SPTB: variants seen among roughly 807,000 people sequenced by gnomAD.
SPTB encodes spectrin beta chain, erythrocytic.
In SPTB, 45 loss-of-function variants were observed where a neutral mutation model predicts 256.2. That is an observed-to-expected ratio of 0.18 (90% CI 0.14 to 0.23). The LOEUF is 0.23. SPTB is among the 10% of genes least tolerant of loss of function. The pLI is 1.00. For synonymous variants in SPTB, 1,231 were observed against 1,243.1 expected, an observed-to-expected ratio of 0.99 and a Z score of 0.21; for missense variants, 2,715 against 3,040.4, an observed-to-expected ratio of 0.89 and a Z score of 2.52.
Position 64,791,438 on chromosome 14 carries a change from C to T in SPTB, c.2804+281G>A, listed in dbSNP as rs919965355. Among the ~76,000 whole-genome samples the T allele has an allele frequency of 9.9e-5, 15 of 152,032 alleles. No homozygotes were observed. In the East Asian group the frequency reaches 1.4e-3, roughly 14 times the overall value. ...AAAACTAGCCAGGCATTGTATCGCA[C>T]GCCTGTAATCCCAGCTACTTGGGAG... On this transcript the variant is annotated intron_variant, in intron 15 of 35. Coordinates refer to ENST00000644917, the MANE Select transcript of SPTB (RefSeq NM_001355436.2).
At chr14:64,808,612 T>C (rs2083029975) in intron 2 of SPTB, among the ~76,000 whole-genome samples, 1 of 152,168 alleles carries the variant, frequency 6.6e-6, no homozygotes, top group Admixed American at 6.5e-5. Context: ...TCATTACTAC[T>C]GCTGCTATTA....
At position 64,749,859 on chromosome 14, in the gene SPTB, T is replaced by C; in HGVS notation, c.6776+122A>G. The C allele has an allele frequency of 6.6e-7, 1 of 1,517,158 alleles. No homozygotes were observed. Among genetic ancestry groups the C allele is most frequent in the Non-Finnish European group, 9.1e-7 (1 of 1,097,870 alleles). The allele number at this position is 1,517,158 out of a possible 1,614,324, so 94.0% of individuals were successfully genotyped here. A position where few individuals can be genotyped will look rare whatever the true frequency, so the allele number is the denominator to read the frequency against. ...AAGTCTGGACCATCAGCCTCTTTGA[T>C]TTGAAAAACCCCTGAGGAGCAGCTC... On this transcript the variant is annotated intron_variant, in intron 34 of 35. Coordinates refer to ENST00000644917, the MANE Select transcript of SPTB (RefSeq NM_001355436.2). The surrounding 1 kb of genome is among the most constrained non-coding windows in gnomAD (Gnocchi z 4.7).
chr14:64,823,673 C>T lies in SPTB; in HGVS notation c.-51-528G>A, dbSNP rs1443757794. On this transcript the variant is annotated intron_variant, in intron 1 of 35. Transcript: ENST00000644917. The surrounding 1 kb of genome is among the most constrained non-coding windows in gnomAD (Gnocchi z 6.5). Reference sequence around the variant, plus strand: ...TGAGAGAGTTAAGCCGCCACTGACGCCACCAGCCCGGGGCAGCTGCACTGG... The same window carrying T: ...TGAGAGAGTTAAGCCGCCACTGACGTCACCAGCCCGGGGCAGCTGCACTGG... Among the ~76,000 whole-genome samples, 2 of 152,212 alleles carry T rather than the reference C, an allele frequency of 1.3e-5. No homozygotes were observed. The highest frequency in any genetic ancestry group is 4.8e-5 in the African/African-American group (2 of 41,452).
intron 2 of SPTB, among the ~76,000 whole-genome samples, chr14:64,815,559 G>A (rs17180630): frequency 0.029 from 4,417 of 152,298 alleles, 88 homozygotes; most frequent in Admixed American, 0.038. Flanking sequence ...ATCAGGCATT[G>A]TTGTCTTGCA....
Position 64,752,133 on chromosome 14 carries a change from AG to A in SPTB, c.6602+1403del, listed in dbSNP as rs1180865888. ...AAACAAAACACAAAAAAAGACAAAT[AG>A]GGCTCATGTCAACTGGCATGTTTGG... On this transcript the variant is annotated intron_variant, in intron 33 of 35. Transcript: ENST00000644917. 7.2e-6 allele frequency: 9 copies of A among 1,253,744 alleles called. No individual in the cohort carries two copies. In the Admixed American group the frequency reaches 2.2e-4, roughly 30 times the overall value. 77.7% of individuals were successfully genotyped at this position (1,253,744 alleles called of 1,614,324 possible).
rs745315650 is a variant in SPTB, at chr14:64,747,442, A to C, written c.*1864T>G. 1.6e-4 allele frequency: 24 copies of C among 152,668 alleles called. No individual in the cohort carries two copies. The highest frequency in any genetic ancestry group is 2.8e-4 in the Non-Finnish European group (19 of 68,032). The allele number at this position is 152,668 out of a possible 1,614,324, so 9.5% of individuals were successfully genotyped here. On this transcript the variant is annotated 3_prime_UTR_variant, in exon 36 of 36. Coordinates refer to ENST00000644917, the MANE Select transcript of SPTB (RefSeq NM_001355436.2). ...GTGATACACACTAGGTTCCCTGTAT[A>C]GGGTCATATGTACCAAAGCCAAATG...
At chr14:64,767,128 G>A (rs45543033) in intron 31 of SPTB, among the ~76,000 whole-genome samples, 175 bp downstream of exon 31, 17 of 152,266 alleles carry the variant, frequency 1.1e-4, no homozygotes, top group Non-Finnish European at 2.1e-4. Flanking sequence ...GCCTGTGACT[G>A]GGGAAGCAAA....
At position 64,844,336 on chromosome 14, in the gene SPTB, T is replaced by A. The variant is rs2139760199; in HGVS notation, c.-51-21191A>T. Among the ~76,000 whole-genome samples, 1 of 152,288 alleles carries A rather than the reference T, an allele frequency of 6.6e-6. No homozygotes were observed. Among genetic ancestry groups the A allele is most frequent in the Non-Finnish European group, 1.5e-5 (1 of 68,026 alleles). ...TCCCAACACACAATAGGAATTTATA[T>A]CCCCAACAACAGACATTTGTAGAAT... On this transcript the variant is annotated intron_variant, in intron 1 of 35. Coordinates refer to ENST00000644917, the MANE Select transcript of SPTB (RefSeq NM_001355436.2). This position sits in a 1 kb window ranked among gnomAD's most constrained non-coding sequence, Gnocchi z 4.1.
At chr14:64,782,858 T>C (rs947393860) in intron 19 of SPTB, among the ~76,000 whole-genome samples, 4 of 149,298 alleles carry the variant, frequency 2.7e-5, no homozygotes, top group Non-Finnish European at 4.4e-5. Flanking sequence ...TTTCATGATA[T>C]GCACCACCAC....
chr14:64,833,928 G>A (rs2083484354), intron 1 of SPTB, among the ~76,000 whole-genome samples: 1 of 152,190 alleles, frequency 6.6e-6, no homozygotes, highest in South Asian at 2.1e-4. Context: ...TGGTGAGAAG[G>A]TTGGAAGCAT....
At chr14:64,783,444 C>T (rs8003981) in intron 19 of SPTB, among the ~76,000 whole-genome samples, 44,136 of 151,874 alleles carry the variant, frequency 0.29, 7,079 homozygotes, top group African/African-American at 0.43. Context: ...TCAGGTGATC[C>T]GCCCACCTCA....
At chr14:64,771,869 C>T (rs2082283628) in intron 26 of SPTB, among the ~76,000 whole-genome samples, 1 of 152,230 alleles carries the variant, frequency 6.6e-6, no homozygotes, top group Admixed American at 6.5e-5. Context: ...CCCTGCAGGG[C>T]TGGCCTGGGA....
At chr14:64,750,974 GTA>G (rs933479866) in intron 33 of SPTB, among the ~76,000 whole-genome samples, 23 of 142,492 alleles carry the variant, frequency 1.6e-4, no homozygotes, top group African/African-American at 5.9e-4. Flanking sequence ...ATCATATAAT[GTA>G]TATTTTATAC....
Position 64,824,180 on chromosome 14 carries a change from G to A in SPTB, c.-51-1035C>T, listed in dbSNP as rs1472024941. Among the ~76,000 whole-genome samples, 1 of 152,168 alleles carries A rather than the reference G, an allele frequency of 6.6e-6. No homozygotes were observed. ...AGAAGGTGTGATGTGTGTCATGGCT[G>A]GCTTAGGTGGGGACTCGGCGGGGAC... On this transcript the variant is annotated intron_variant, in intron 1 of 35. Coordinates refer to ENST00000644917, the MANE Select transcript of SPTB (RefSeq NM_001355436.2). This position sits in a 1 kb window ranked among gnomAD's most constrained non-coding sequence, Gnocchi z 5.7.
chr14:64,784,173 C>T (rs2082520465), intron 19 of SPTB, 74 bp downstream of exon 19: 21 of 1,603,142 alleles, frequency 1.3e-5, no homozygotes, highest in Non-Finnish European at 1.7e-5. Flanking sequence ...ACAGGGTCCA[C>T]ACCCTGGGTG....
chr14:64,749,119 T>G lies in SPTB; in HGVS notation c.*187A>C. 2 of 601,882 alleles carry G rather than the reference T, an allele frequency of 3.3e-6. No individual in the cohort carries two copies. Among genetic ancestry groups the G allele is most frequent in the Non-Finnish European group, 5.4e-6 (2 of 367,024 alleles). 37.3% of individuals were successfully genotyped at this position (601,882 alleles called of 1,614,324 possible). On this transcript the variant is annotated 3_prime_UTR_variant, in exon 36 of 36. Coordinates refer to ENST00000644917, the MANE Select transcript of SPTB (RefSeq NM_001355436.2). The surrounding 1 kb of genome is among the most constrained non-coding windows in gnomAD (Gnocchi z 4.7). Reference sequence around the variant, plus strand: ...AGCGGAGCCAGCGCGGGCGAGGGCATGGAGGGGGCGTCGGCCCAGGACACG... The same window carrying G: ...AGCGGAGCCAGCGCGGGCGAGGGCAGGGAGGGGGCGTCGGCCCAGGACACG...
At chr14:64,769,524 G>A in intron 28 of SPTB, 66 bp downstream of exon 28, 1 of 1,599,198 alleles carries the variant, frequency 6.3e-7, no homozygotes, top group Non-Finnish European at 8.5e-7. Context: ...CTCCCAGGAG[G>A]CTGCCTGGCT....
rs1002035329 is a variant in SPTB, at chr14:64,799,918, A to G, written c.893T>C (p.Ile298Thr). 1.8e-5 allele frequency: 29 copies of G among 1,614,084 alleles called. No homozygotes were observed. Among genetic ancestry groups the G allele is most frequent in the Non-Finnish European group, 2.2e-5 (26 of 1,180,050 alleles). The change falls in exon 9 of 36, where the codon ATT (isoleucine) becomes ACT (threonine). Residue 298 changes from isoleucine (I) to threonine (T), a missense_variant. Physicochemically the swap from Ile to Thr is moderately conservative, Grantham distance 89. Coordinates refer to ENST00000644917, the MANE Select transcript of SPTB (RefSeq NM_001355436.2). ...CTTTTCAATCATCTTCTCAGTCTCA[A>G]TGGCATGGTCAATAACCTAAGGAAT... ...KRVGKVIDHA[I>T]ETEKMIEKYS...
At chr14:64,804,106 A>C (rs1390617757) in intron 3 of SPTB, among the ~76,000 whole-genome samples, 1 of 152,230 alleles carries the variant, frequency 6.6e-6, no homozygotes, top group African/African-American at 2.4e-5. Flanking sequence ...TGCCAGGCAC[A>C]GTTCTAAGAA....
Sources: gnomAD v4.1 joint callset for allele counts (sites outside exome capture counted in the v4.1 genomes callset) on GRCh38, gnomAD v4.1.1 for gene constraint, Gnocchi (gnomAD v3.1) non-coding constraint, MANE v1.5 for transcripts, NCBI Gene and HGNC (gene_info 2026-07-23, HGNC 2026-07-21) for gene names.